TTC28: variants seen among roughly 807,000 people sequenced by gnomAD.
TTC28 encodes tetratricopeptide repeat domain 28.
Under a neutral mutation model 198.0 loss-of-function variants are expected in TTC28, and 61 were observed. That is an observed-to-expected ratio of 0.31 (90% CI 0.25 to 0.38). TTC28 has a LOEUF of 0.38. Ranked by LOEUF, TTC28 falls within the 10% of genes least tolerant of loss-of-function variation. The pLI is 1.00. For synonymous variants in TTC28, 1,171 were observed against 1,297.8 expected, an observed-to-expected ratio of 0.90 and a Z score of 2.10; for missense variants, 2,678 against 3,164.0, an observed-to-expected ratio of 0.85 and a Z score of 3.69.
intron 5 of TTC28, among the ~76,000 whole-genome samples, chr22:28,254,119 G>GA (rs924068072): frequency 1.3e-5 from 2 of 150,610 alleles, no homozygotes; most frequent in African/African-American, 4.9e-5. Context: ...AAAAAAAAAG[G>GA]AAAAAAAAGA....
chr22:28,581,352 C>A (rs757415293), intron 2 of TTC28, among the ~76,000 whole-genome samples: 4 of 152,108 alleles, frequency 2.6e-5, no homozygotes. Context: ...TATAAATTAC[C>A]CAGCGTTAGG....
At chr22:28,371,735 C>A (rs991968358) in intron 2 of TTC28, among the ~76,000 whole-genome samples, 1 of 145,440 alleles carries the variant, frequency 6.9e-6, no homozygotes, top group Non-Finnish European at 1.5e-5. Flanking sequence ...GCACCCATCA[C>A]CATGCCCGGC....
Position 28,259,676 on chromosome 22 carries a change from A to AT in TTC28, c.933+36521dup, listed in dbSNP as rs924291764. Among the ~76,000 whole-genome samples the AT allele has an allele frequency of 1.5e-3, 226 of 152,076 alleles. 2 individuals carry two copies. The highest frequency in any genetic ancestry group is 0.014 in the Admixed American group (215 of 15,246). ...ATGAAAAGACAGCTCAATGGTTTGT[A>AT]TTTTTTTTAAAAAGAATTGGCTAGC... On this transcript the variant is annotated intron_variant, in intron 5 of 22. Coordinates refer to ENST00000397906, the MANE Select transcript of TTC28 (RefSeq NM_001145418.2).
At chr22:28,340,398 T>C (rs1185911637) in intron 2 of TTC28, among the ~76,000 whole-genome samples, 4 of 152,082 alleles carry the variant, frequency 2.6e-5, no homozygotes, top group Non-Finnish European at 5.9e-5. Flanking sequence ...ATTTGAGACC[T>C]TGTGATTACC....
intron 2 of TTC28, among the ~76,000 whole-genome samples, chr22:28,539,646 A>G (rs1238075780): frequency 6.6e-6 from 1 of 151,782 alleles, no homozygotes; most frequent in Non-Finnish European, 1.5e-5. Flanking sequence ...AAAAAAAAAA[A>G]GGAAAGAAAT....
At chr22:28,081,641 C>T (rs984601902) in intron 12 of TTC28, among the ~76,000 whole-genome samples, 30 of 151,934 alleles carry the variant, frequency 2.0e-4, no homozygotes, top group Admixed American at 3.3e-4. Flanking sequence ...TACAGGCGTG[C>T]GCCACCTTGC....
intron 2 of TTC28, among the ~76,000 whole-genome samples, chr22:28,552,129 T>G (rs984186623): frequency 6.6e-6 from 1 of 151,858 alleles, no homozygotes; most frequent in African/African-American, 2.4e-5. Context: ...CCCTTCACGA[T>G]AACCACAAAA....
intron 5 of TTC28, among the ~76,000 whole-genome samples, chr22:28,206,472 T>C (rs967211874): frequency 3.9e-5 from 6 of 152,186 alleles, no homozygotes; most frequent in Non-Finnish European, 8.8e-5. Flanking sequence ...CAAGAAGCAG[T>C]TAAGTGTCCA....
intron 12 of TTC28, among the ~76,000 whole-genome samples, chr22:28,057,328 G>A (rs1297645322): frequency 6.6e-6 from 1 of 152,010 alleles, no homozygotes; most frequent in Non-Finnish European, 1.5e-5. Context: ...ATCCTTTCTA[G>A]TGGGAATGTA....
At chr22:28,113,651 G>A (rs375334710) in intron 6 of TTC28, among the ~76,000 whole-genome samples, 5 of 152,166 alleles carry the variant, frequency 3.3e-5, no homozygotes, top group South Asian at 2.1e-4. Flanking sequence ...GTTCTCTTCC[G>A]TTAGAAATAT....
intron 2 of TTC28, among the ~76,000 whole-genome samples, chr22:28,381,845 A>G (rs2046501401): frequency 6.6e-6 from 1 of 152,114 alleles, no homozygotes; most frequent in African/African-American, 2.4e-5. Context: ...TATTTCCAAA[A>G]CATATATTTC....
At chr22:28,258,025 C>T (rs1327323727) in intron 5 of TTC28, among the ~76,000 whole-genome samples, 1 of 151,868 alleles carries the variant, frequency 6.6e-6, no homozygotes, top group Non-Finnish European at 1.5e-5. Context: ...TATTTGCCCT[C>T]TGAACTTTGT....
At chr22:28,629,379 C>A in intron 2 of TTC28, 173 bp downstream of exon 2, 1 of 617,814 alleles carries the variant, frequency 1.6e-6, no homozygotes, top group Non-Finnish European at 2.6e-6. Flanking sequence ...TACAAAAAAA[C>A]AAAGGAAGCT....
At chr22:28,469,007 A>G (rs1304606984) in intron 2 of TTC28, among the ~76,000 whole-genome samples, 1 of 152,320 alleles carries the variant, frequency 6.6e-6, no homozygotes, top group East Asian at 1.9e-4. Context: ...GCCTCTAATT[A>G]TAGCTAAATT....
At chr22:28,358,110 T>C (rs1443864511) in intron 2 of TTC28, among the ~76,000 whole-genome samples, 1 of 152,214 alleles carries the variant, frequency 6.6e-6, no homozygotes, top group Admixed American at 6.5e-5. Flanking sequence ...ATTTTGAGAA[T>C]TAAACTCTCA....
intron 2 of TTC28, among the ~76,000 whole-genome samples, chr22:28,619,484 T>C (rs965162929): frequency 3.3e-5 from 5 of 152,028 alleles, no homozygotes; most frequent in African/African-American, 1.2e-4. Context: ...ATAACACCAG[T>C]CCCCTAACAA....
At chr22:28,059,458 G>C (rs1174596366) in intron 12 of TTC28, among the ~76,000 whole-genome samples, 1 of 151,880 alleles carries the variant, frequency 6.6e-6, no homozygotes, top group Non-Finnish European at 1.5e-5. Flanking sequence ...TAGTCTATTT[G>C]TTGACTGTAC....
At chr22:28,496,420 C>T (rs1279265316) in intron 2 of TTC28, among the ~76,000 whole-genome samples, 2 of 152,010 alleles carry the variant, frequency 1.3e-5, no homozygotes, top group East Asian at 1.9e-4. Flanking sequence ...TAGCTAAAAG[C>T]CCATTCCTCC....
Position 27,983,583 on chromosome 22 carries a change from G to C in TTC28, c.6084C>G (p.Asn2028Lys). 6.4e-7 allele frequency: 1 copy of C among 1,550,928 alleles called. No homozygotes were observed. The highest frequency in any genetic ancestry group is 8.7e-7 in the Non-Finnish European group (1 of 1,146,730). The change falls in exon 23 of 23, where the codon AAC becomes AAG. Residue 2028 changes from asparagine (N) to lysine (K), a missense_variant. Coordinates refer to ENST00000397906, the MANE Select transcript of TTC28 (RefSeq NM_001145418.2). ...GCAGGGTGGATCTCTGCAGGTAAGC[G>C]TTCTTGGACCGGTCATGGTCCTGCC... Reference protein sequence around the residue: ...GGRQDHDRSKNAYLQRSTLPR... With the variant: ...GGRQDHDRSKKAYLQRSTLPR...
Sources: allele counts gnomAD v4.1 joint callset (sites outside exome capture counted in the v4.1 genomes callset), GRCh38; gene constraint gnomAD v4.1.1; transcripts MANE v1.5; gene names NCBI Gene and HGNC (gene_info 2026-07-23, HGNC 2026-07-21).